Variants in KCTD3 observed in about 807,000 individuals in gnomAD.
KCTD3 encodes BTB/POZ domain-containing protein KCTD3.
A neutral mutation model predicts 85.8 loss-of-function variants in KCTD3; 41 were observed. The observed-to-expected ratio is 0.48, with a 90% CI of 0.37 to 0.62. The LOEUF is 0.62. Ranked by LOEUF, KCTD3 falls within the 20% of genes least tolerant of loss-of-function variation. The probability of loss-of-function intolerance (pLI) is 0.00; values close to 1 mark genes in which losing one functional copy is unlikely to be tolerated. For missense variants in KCTD3, 724 were observed against 989.9 expected (o/e 0.73, Z 3.60); for synonymous variants, 338 against 345.4 (o/e 0.98, Z 0.24).
In KCTD3 at chr1:215,620,304, C is replaced by G. The variant is rs1222409149; in HGVS notation, c.2134C>G (p.Pro712Ala). 5.6e-6 allele frequency: 9 copies of G among 1,613,660 alleles called. No homozygotes were observed. The highest frequency in any genetic ancestry group is 7.6e-6 in the Non-Finnish European group (9 of 1,179,842). Residue 712 changes from proline (P) to alanine (A), a missense_variant, in exon 18 of 18, where the codon CCT becomes GCT. Pro to Ala is a conservative substitution (Grantham distance 27). Transcript: ENST00000259154. ...ATGTAATATATCTGAGAGAAAGTCT[C>G]CTGGAGTAGAAATAAAAAGTTTGAG... ...GECNISERKS[P>A]GVEIKSLREL... is the part of the protein sequence containing the mutation.
chr1:215,609,448 G>A (rs1375757646), intron 14 of KCTD3, among the ~76,000 whole-genome samples: 1 of 151,972 alleles, frequency 6.6e-6, no homozygotes, highest in African/African-American at 2.4e-5. Flanking sequence ...GATCGTGGAA[G>A]GCATCTATAC....
At position 215,578,590 on chromosome 1, in the gene KCTD3, A is replaced by T. The variant is rs4655409; in HGVS notation, c.398-410A>T. Reference sequence around the variant, plus strand: ...GGACTTCTGAGCAAGATTTCATTTTAAAAAATGTTCCCCTGTCAAATAAAA... The same window carrying T: ...GGACTTCTGAGCAAGATTTCATTTTTAAAAATGTTCCCCTGTCAAATAAAA... On this transcript the variant is annotated intron_variant, in intron 6 of 17. Coordinates refer to ENST00000259154, the MANE Select transcript of KCTD3 (RefSeq NM_016121.5). 9.2e-5 allele frequency among the ~76,000 whole-genome samples: 14 copies of T among 152,302 alleles called. No homozygotes were observed. The South Asian group carries it at 1.0e-3, about 11-fold the overall frequency.
intron 6 of KCTD3, among the ~76,000 whole-genome samples, chr1:215,578,283 G>A (rs1235853102): frequency 6.6e-6 from 1 of 152,100 alleles, no homozygotes; most frequent in Admixed American, 6.5e-5. Flanking sequence ...TCTGTAAAGA[G>A]CCAGATAGAT....
chr1:215,595,172 T>C (rs975162838), intron 9 of KCTD3, among the ~76,000 whole-genome samples, 184 bp from the exon 10 acceptor site: 6 of 152,220 alleles, frequency 3.9e-5, no homozygotes, highest in Non-Finnish European at 7.3e-5. Flanking sequence ...TTCCTTGCTT[T>C]AGTAGTTCTG....
intron 13 of KCTD3, among the ~76,000 whole-genome samples, chr1:215,604,918 A>C (rs1158189052): frequency 6.6e-6 from 1 of 151,986 alleles, no homozygotes; most frequent in East Asian, 1.9e-4. Context: ...TCATAATATA[A>C]AATTTTTAAT....
At chr1:215,610,848 A>G (rs1461512049) in intron 14 of KCTD3, among the ~76,000 whole-genome samples, 1 of 151,946 alleles carries the variant, frequency 6.6e-6, no homozygotes, top group African/African-American at 2.4e-5. Flanking sequence ...ATGAGTATAT[A>G]TTTGGAAAGC....
chr1:215,610,046 A>C lies in KCTD3; in HGVS notation c.1466-1779A>C, dbSNP rs572135335. On this transcript the variant is annotated intron_variant, in intron 14 of 17. Coordinates refer to ENST00000259154, the MANE Select transcript of KCTD3 (RefSeq NM_016121.5). ...TGTAAATTAATTATAAAACCCAGTA[A>C]GATAAAGGGGACAGGGAGGCTTTTC... is the stretch of plus-strand genomic sequence containing the variant. 3.3e-5 allele frequency among the ~76,000 whole-genome samples: 5 copies of C among 152,102 alleles called. No homozygotes were observed. In the South Asian group the frequency reaches 1.0e-3, roughly 32 times the overall value.
At chr1:215,602,867 C>A (rs1210274649) in intron 12 of KCTD3, among the ~76,000 whole-genome samples, 1 of 152,072 alleles carries the variant, frequency 6.6e-6, no homozygotes, top group Non-Finnish European at 1.5e-5. Context: ...TTAAAAGAAA[C>A]CATAATTTTT....
chr1:215,589,703 T>G (rs1439594388), intron 9 of KCTD3, among the ~76,000 whole-genome samples: 1 of 152,194 alleles, frequency 6.6e-6, no homozygotes, highest in Non-Finnish European at 1.5e-5. Context: ...GTATTTATTC[T>G]TTTGTGCCTG....
chr1:215,613,046 AC>A (rs1347470920), intron 15 of KCTD3, among the ~76,000 whole-genome samples: 4 of 152,062 alleles, frequency 2.6e-5, no homozygotes, highest in Non-Finnish European at 5.9e-5. Context: ...TGGGTTTAAT[AC>A]CTAGGTGATG....
At chr1:215,573,723 T>A in intron 1 of KCTD3, 63 bp from the exon 2 acceptor site, 1 of 951,626 alleles carries the variant, frequency 1.1e-6, no homozygotes, top group Non-Finnish European at 1.7e-6. Flanking sequence ...TAAAACAAGT[T>A]AACTAATACT....
At chr1:215,617,854 G>T (rs12568192) in intron 15 of KCTD3, among the ~76,000 whole-genome samples, 1 of 145,770 alleles carries the variant, frequency 6.9e-6, no homozygotes. Flanking sequence ...TAGTATATAC[G>T]TAATATATAT....
intron 8 of KCTD3, among the ~76,000 whole-genome samples, chr1:215,583,444 G>A (rs921659177): frequency 6.6e-5 from 10 of 152,154 alleles, no homozygotes; most frequent in East Asian, 1.9e-4. Flanking sequence ...CAGTGAGGAC[G>A]ACCAGAGGTC....
chr1:215,577,687 T>C lies in KCTD3; in HGVS notation c.275T>C (p.Val92Ala). Residue 92 changes from valine (V) to alanine (A), a missense_variant, in exon 5 of 18, where the codon GTT (valine) becomes GCT (alanine). By Grantham distance (64) the Val-to-Ala change is moderately conservative (BLOSUM62 0). Around this residue, in one of 6 missense-constraint regions of KCTD3, gnomAD observed 97 missense variants for 115.7 expected, o/e 0.84. Coordinates refer to ENST00000259154, the MANE Select transcript of KCTD3 (RefSeq NM_016121.5). ...ELDLRGVSIN[V>A]LRHEAEFYGI... ...CTTTGTAGGGGAGTGAGTATTAATG[T>C]TCTCAGGCATGAAGCAGAATTTTAC... 1 of 1,595,506 alleles carries C rather than the reference T, an allele frequency of 6.3e-7. No homozygotes were observed. Among genetic ancestry groups the C allele is most frequent in the Non-Finnish European group, 8.6e-7 (1 of 1,163,278 alleles).
chr1:215,571,804 C>T (rs1385781257), intron 1 of KCTD3, among the ~76,000 whole-genome samples: 1 of 151,854 alleles, frequency 6.6e-6, no homozygotes, highest in Non-Finnish European at 1.5e-5. Context: ...GCTAATTTTT[C>T]GTAGTTTTAG....
intron 8 of KCTD3, among the ~76,000 whole-genome samples, chr1:215,585,888 T>C (rs1659988640): frequency 6.6e-6 from 1 of 152,120 alleles, no homozygotes; most frequent in Admixed American, 6.6e-5. Context: ...TAAAAACTAG[T>C]CTTCAGAGGA....
chr1:215,593,857 CTTTT>C (rs11362703), intron 9 of KCTD3, among the ~76,000 whole-genome samples: 7 of 111,798 alleles, frequency 6.3e-5, no homozygotes, highest in Admixed American at 9.0e-5. Context: ...TGGAATACAA[CTTTT>C]TTTTTTTTTT....
intron 9 of KCTD3, among the ~76,000 whole-genome samples, chr1:215,587,271 A>G (rs568534504): frequency 6.6e-6 from 1 of 152,092 alleles, no homozygotes; most frequent in South Asian, 2.1e-4. Context: ...CTGGGACTAC[A>G]GGCACATGCC....
Position 215,619,142 on chromosome 1 carries a change from G to T in KCTD3, c.1748-11G>T. 1 of 1,612,028 alleles carries T rather than the reference G, an allele frequency of 6.2e-7. No homozygotes were observed. The highest frequency in any genetic ancestry group is 8.5e-7 in the Non-Finnish European group (1 of 1,178,882). On this transcript the variant is annotated splice_polypyrimidine_tract_variant and intron_variant, in intron 16 of 17. Coordinates refer to ENST00000259154, the MANE Select transcript of KCTD3 (RefSeq NM_016121.5). The stretch of plus-strand genomic sequence containing the variant: ...ACTTAAGTGATTTTAATGACTATTT[G>T]TTCTCCTAAGATGTAGGTGGTCCAA...
Sources: gnomAD v4.1 joint callset for allele counts (sites outside exome capture counted in the v4.1 genomes callset) on GRCh38, gnomAD v4.1.1 for gene constraint, gnomAD v4.1.1 regional missense constraint, MANE v1.5 for transcripts, NCBI Gene and HGNC (gene_info 2026-07-23, HGNC 2026-07-21) for gene names.